The following NEDD4 variants were observed in gnomAD, a reference collection of about 807,000 sequenced individuals.
NEDD4 encodes the protein E3 ubiquitin-protein ligase NEDD4.
NEDD4 carries 99 observed loss-of-function variants against 144.9 expected under a neutral mutation model. The observed-to-expected ratio is 0.68, with a 90% CI of 0.58 to 0.81. NEDD4 has a LOEUF of 0.81. NEDD4 is among the 30% of genes least tolerant of loss of function. The pLI is 0.00. For missense variants in NEDD4, 985 were observed against 1,065.9 expected, an observed-to-expected ratio of 0.92 and a Z score of 1.06; for synonymous variants, 318 against 350.6, an observed-to-expected ratio of 0.91 and a Z score of 1.04.
chr15:55,836,736 C>T (rs2033219758), intron 24 of NEDD4, among the ~76,000 whole-genome samples: 1 of 152,114 alleles, frequency 6.6e-6, no homozygotes, highest in African/African-American at 2.4e-5. Context: ...CCACATTAGC[C>T]AGACTAGTCT....
At chr15:55,945,594 A>G (rs1271644836) in intron 4 of NEDD4, among the ~76,000 whole-genome samples, 2 of 152,154 alleles carry the variant, frequency 1.3e-5, no homozygotes, top group Non-Finnish European at 2.9e-5. Context: ...CTACAGGATA[A>G]TATCAAGGAG....
At chr15:55,855,517 G>A (rs1266922212) in intron 12 of NEDD4, among the ~76,000 whole-genome samples, 2 of 152,216 alleles carry the variant, frequency 1.3e-5, no homozygotes, top group African/African-American at 2.4e-5. Flanking sequence ...AACAAGTAGG[G>A]CTTCTGGAAA....
At chr15:55,966,696 C>T (rs12437795) in intron 1 of NEDD4, 150 bp from the exon 2 acceptor site, 24 of 432,392 alleles carry the variant, frequency 5.6e-5, no homozygotes, top group East Asian at 2.3e-4. Context: ...AAAAGTTACA[C>T]GGGAAAAAAA....
intron 2 of NEDD4, among the ~76,000 whole-genome samples, chr15:55,956,591 T>C (rs2037341651): frequency 6.6e-6 from 1 of 152,186 alleles, no homozygotes. Context: ...ATCATATATA[T>C]GTGTATATAT....
intron 11 of NEDD4, among the ~76,000 whole-genome samples, chr15:55,856,602 C>T (rs2034205203): frequency 6.6e-6 from 1 of 152,194 alleles, no homozygotes; most frequent in African/African-American, 2.4e-5. Flanking sequence ...ATTCTCCATG[C>T]TGCACGCTGC....
intron 5 of NEDD4, among the ~76,000 whole-genome samples, chr15:55,921,513 C>T (rs745494394): frequency 6.6e-6 from 1 of 151,910 alleles, no homozygotes; most frequent in African/African-American, 2.4e-5. Context: ...TTAGTAGAGA[C>T]GCAGTTTCAC....
intron 5 of NEDD4, among the ~76,000 whole-genome samples, chr15:55,882,922 G>A (rs1275235698): frequency 6.6e-6 from 1 of 152,186 alleles, no homozygotes; most frequent in Non-Finnish European, 1.5e-5. Context: ...GGCCTTAGGT[G>A]AGACTCTGAG....
chr15:55,969,030 A>G (rs2037563839), intron 1 of NEDD4, among the ~76,000 whole-genome samples: 1 of 152,206 alleles, frequency 6.6e-6, no homozygotes, highest in East Asian at 1.9e-4. Flanking sequence ...GAGGCACTGA[A>G]GAGGGTAGGA....
At chr15:55,863,112 G>A (rs370523436) in intron 8 of NEDD4, 33 bp from the exon 9 acceptor site, 18 of 1,491,866 alleles carry the variant, frequency 1.2e-5, no homozygotes, top group South Asian at 7.0e-5. Flanking sequence ...TTAAGTTTAC[G>A]CATGATTTTT....
chr15:55,839,654 C>A (rs953970408), intron 21 of NEDD4, among the ~76,000 whole-genome samples: 5 of 152,036 alleles, frequency 3.3e-5, no homozygotes, highest in African/African-American at 1.2e-4. Flanking sequence ...CTAACCATAA[C>A]GCTTTGCCTT....
At chr15:55,911,630 C>T (rs1171320185) in intron 5 of NEDD4, among the ~76,000 whole-genome samples, 8 of 151,810 alleles carry the variant, frequency 5.3e-5, no homozygotes, top group Non-Finnish European at 1.0e-4. Flanking sequence ...CCCGGGTCCA[C>T]GCCATTCTCC....
intron 28 of NEDD4, 129 bp from the exon 29 acceptor site, chr15:55,830,128 G>C: frequency 1.5e-6 from 1 of 682,030 alleles, no homozygotes; most frequent in Non-Finnish European, 2.5e-6. Context: ...TTTCACCAGG[G>C]GTAGAAGTAA....
intron 13 of NEDD4, 112 bp from the exon 14 acceptor site, chr15:55,850,854 G>A: frequency 2.3e-6 from 2 of 866,464 alleles, no homozygotes; most frequent in Non-Finnish European, 3.3e-6. Flanking sequence ...CCATTAAAGA[G>A]ACTCTAAATA....
At chr15:55,971,382 T>A (rs1317722101) in intron 1 of NEDD4, among the ~76,000 whole-genome samples, 1 of 152,134 alleles carries the variant, frequency 6.6e-6, no homozygotes, top group Non-Finnish European at 1.5e-5. Context: ...CCCAGCACTT[T>A]GGGAGGCTGA....
At chr15:55,962,969 G>C (rs2037449628) in intron 2 of NEDD4, among the ~76,000 whole-genome samples, 1 of 151,480 alleles carries the variant, frequency 6.6e-6, no homozygotes, top group Non-Finnish European at 1.5e-5. Context: ...TATATTAGTA[G>C]AGATGGGATT....
chr15:55,936,625 A>T (rs2036894398), intron 4 of NEDD4, among the ~76,000 whole-genome samples: 1 of 152,204 alleles, frequency 6.6e-6, no homozygotes, highest in Non-Finnish European at 1.5e-5. Context: ...TGCTAAAAAT[A>T]TACACAGAGC....
intron 11 of NEDD4, among the ~76,000 whole-genome samples, chr15:55,856,994 T>G (rs1389020776): frequency 6.6e-6 from 1 of 152,216 alleles, no homozygotes; most frequent in African/African-American, 2.4e-5. Context: ...AAGGGTTACT[T>G]GTACAATGGA....
At chr15:55,964,159 T>G (rs2037470390) in intron 2 of NEDD4, among the ~76,000 whole-genome samples, 2 of 151,324 alleles carry the variant, frequency 1.3e-5, no homozygotes, top group African/African-American at 2.4e-5. Flanking sequence ...GAAAAAAACT[T>G]GGCCAATATT....
intron 18 of NEDD4, among the ~76,000 whole-genome samples, chr15:55,845,817 ACT>A (rs1263562225): frequency 6.9e-6 from 1 of 143,976 alleles, no homozygotes; most frequent in African/African-American, 2.6e-5. Context: ...TTTTTGAGAC[ACT>A]CTGTTGCCCA....
Sources: allele counts gnomAD v4.1 joint callset (sites outside exome capture counted in the v4.1 genomes callset), GRCh38; gene constraint gnomAD v4.1.1; transcripts MANE v1.5; gene names NCBI Gene and HGNC (gene_info 2026-07-23, HGNC 2026-07-21).